The following TRIQK variants were observed in gnomAD, a reference collection of about 807,000 sequenced individuals.
The protein encoded by TRIQK is triple QxxK/R motif containing.
TRIQK carries 10 observed loss-of-function variants against 10.8 expected under a neutral mutation model. The observed-to-expected ratio is 0.92, with a 90% CI of 0.57 to 1.57. The LOEUF (loss-of-function observed/expected upper bound fraction) is 1.57. TRIQK is among the 40% of genes most tolerant of loss of function. The pLI is 0.00. For missense variants in TRIQK, 107 were observed against 97.7 expected (o/e 1.09, Z -0.40); for synonymous variants, 33 against 33.7 (o/e 0.98, Z 0.07).
chr8:93,002,369 G>C (rs1481587777), intron 1 of TRIQK, among the ~76,000 whole-genome samples: 1 of 151,986 alleles, frequency 6.6e-6, no homozygotes, highest in Non-Finnish European at 1.5e-5. Flanking sequence ...CTTTTAGCTA[G>C]ACTATCAAAA....
rs532540074 is a variant in TRIQK at position 92,908,131 on chromosome 8, T to C, written c.61+8798A>G. The stretch of plus-strand genomic sequence containing the variant: ...TTTGGCTTTTTGTTGTTCAATTCCT[T>C]ACCCTTGCCCAGAAACAAGACTACA... On this transcript the variant is annotated intron_variant, in intron 3 of 4. Coordinates refer to ENST00000521988, the MANE Select transcript of TRIQK (RefSeq NM_001171797.2). Among the ~76,000 whole-genome samples the C allele has an allele frequency of 6.6e-5, 10 of 152,278 alleles. No individual in the cohort carries two copies. In the East Asian group the frequency reaches 1.5e-3, roughly 23 times the overall value.
At chr8:92,959,739 G>C (rs539924737) in intron 1 of TRIQK, among the ~76,000 whole-genome samples, 10 of 152,140 alleles carry the variant, frequency 6.6e-5, no homozygotes, top group African/African-American at 2.4e-4. Flanking sequence ...CTTAAGTCCA[G>C]ATGCTTTTCA....
chr8:92,937,588 T>C (rs1811057875), intron 2 of TRIQK, among the ~76,000 whole-genome samples: 1 of 151,830 alleles, frequency 6.6e-6, no homozygotes, highest in South Asian at 2.1e-4. Flanking sequence ...TCTTTGTTTT[T>C]TTTTTTTACT....
intron 2 of TRIQK, among the ~76,000 whole-genome samples, chr8:92,930,800 A>T (rs554755696): frequency 6.6e-6 from 1 of 152,220 alleles, no homozygotes; most frequent in Non-Finnish European, 1.5e-5. Flanking sequence ...AAATTGGATT[A>T]TTTTAAGAAA....
At chr8:93,007,276 G>A (rs1014880512) in intron 1 of TRIQK, among the ~76,000 whole-genome samples, 1 of 152,172 alleles carries the variant, frequency 6.6e-6, no homozygotes, top group African/African-American at 2.4e-5. Flanking sequence ...AGGCCTACGG[G>A]CCCTATGGAA....
chr8:92,906,722 CAAAAAAA>C (rs36073229), intron 3 of TRIQK, among the ~76,000 whole-genome samples: 12 of 126,540 alleles, frequency 9.5e-5, no homozygotes, highest in Non-Finnish European at 9.9e-5. Context: ...CCGTCTCTAT[CAAAAAAA>C]AAAAAAAAAA....
At chr8:92,991,980 A>G (rs1352299578) in intron 1 of TRIQK, among the ~76,000 whole-genome samples, 1 of 152,174 alleles carries the variant, frequency 6.6e-6, no homozygotes, top group African/African-American at 2.4e-5. Context: ...GAGAACTACA[A>G]ACCACTGCTC....
chr8:92,983,818 GT>G (rs568846814), intron 1 of TRIQK, among the ~76,000 whole-genome samples: 15 of 151,928 alleles, frequency 9.9e-5, no homozygotes, highest in Non-Finnish European at 2.9e-5. Flanking sequence ...CCTCACTTAA[GT>G]TTTTTCACAC....
chr8:92,893,248 TAC>T (rs1816849517), intron 3 of TRIQK, among the ~76,000 whole-genome samples: 1 of 152,190 alleles, frequency 6.6e-6, no homozygotes, highest in Admixed American at 6.6e-5. Flanking sequence ...TAAAATTTCA[TAC>T]AGAGTTTTAG....
chr8:92,905,745 G>A (rs1414054862), intron 3 of TRIQK, among the ~76,000 whole-genome samples: 1 of 152,140 alleles, frequency 6.6e-6, no homozygotes, highest in African/African-American at 2.4e-5. Context: ...CTGAAGTACT[G>A]TTAGCTAACT....
intron 1 of TRIQK, among the ~76,000 whole-genome samples, chr8:92,985,725 T>C (rs16915409): frequency 0.27 from 40,935 of 152,032 alleles, 6,471 homozygotes; most frequent in African/African-American, 0.44. Context: ...AATGAGTTTT[T>C]GTTGCCGATG....
chr8:93,008,002 G>C (rs1813291886), intron 1 of TRIQK, among the ~76,000 whole-genome samples: 1 of 152,150 alleles, frequency 6.6e-6, no homozygotes, highest in East Asian at 1.9e-4. Context: ...GACATGGATG[G>C]AGCTGGAAGC....
At chr8:92,974,391 A>G (rs1445856051) in intron 1 of TRIQK, 1 of 152,276 alleles carries the variant, frequency 6.6e-6, no homozygotes, top group Non-Finnish European at 1.5e-5. Context: ...TTCAGTCTGA[A>G]TCTTTTTCAA....
intron 1 of TRIQK, among the ~76,000 whole-genome samples, chr8:92,992,553 G>A (rs189673464): frequency 6.6e-6 from 1 of 152,212 alleles, no homozygotes; most frequent in African/African-American, 2.4e-5. Context: ...TCAGGCCCAA[G>A]ACTTCACATA....
intron 2 of TRIQK, among the ~76,000 whole-genome samples, chr8:92,927,320 G>A (rs1032125352): frequency 6.6e-5 from 10 of 152,056 alleles, no homozygotes; most frequent in South Asian, 2.1e-4. Context: ...GATGTTCTAC[G>A]GTATCTAAAG....
intron 1 of TRIQK, among the ~76,000 whole-genome samples, chr8:92,997,999 T>C (rs1379581181): frequency 6.6e-6 from 1 of 151,966 alleles, no homozygotes; most frequent in Non-Finnish European, 1.5e-5. Context: ...AATTACATTA[T>C]TGATTTTCCT....
intron 2 of TRIQK, among the ~76,000 whole-genome samples, chr8:92,947,854 C>T (rs1020664258): frequency 6.6e-6 from 1 of 152,010 alleles, no homozygotes; most frequent in Non-Finnish European, 1.5e-5. Flanking sequence ...TATAGTAACA[C>T]TGAGATGACT....
intron 1 of TRIQK, among the ~76,000 whole-genome samples, chr8:93,008,808 C>G (rs1258642169): frequency 6.6e-6 from 1 of 152,208 alleles, no homozygotes; most frequent in Non-Finnish European, 1.5e-5. Flanking sequence ...AGACCCCTCT[C>G]TAACCACATA....
chr8:92,995,811 G>A (rs1467237286), intron 1 of TRIQK, among the ~76,000 whole-genome samples: 1 of 152,036 alleles, frequency 6.6e-6, no homozygotes, highest in Non-Finnish European at 1.5e-5. Context: ...GGGGCCATCT[G>A]TTCTAAGGGT....
Sources: gnomAD v4.1 joint callset for allele counts (sites outside exome capture counted in the v4.1 genomes callset) on GRCh38, gnomAD v4.1.1 for gene constraint, MANE v1.5 for transcripts, NCBI Gene and HGNC (gene_info 2026-07-23, HGNC 2026-07-21) for gene names.